Variants in ZBTB4 observed in about 807,000 individuals in gnomAD.
ZBTB4 encodes zinc finger and BTB domain containing 4.
ZBTB4 carries 14 observed loss-of-function variants against 59.8 expected under a neutral mutation model. That is an observed-to-expected ratio of 0.23 (90% CI 0.15 to 0.37). The LOEUF (loss-of-function observed/expected upper bound fraction) is 0.37. Ranked by LOEUF, ZBTB4 falls within the 10% of genes least tolerant of loss-of-function variation. ZBTB4 has a pLI of 1.00. For synonymous variants in ZBTB4, 587 were observed against 575.2 expected (o/e 1.02, Z -0.29); for missense variants, 1,198 against 1,380.8 (o/e 0.87, Z 2.10).
At position 7,465,906 on chromosome 17, in the gene ZBTB4, A is replaced by T; in HGVS notation, c.896T>A (p.Val299Glu). 6.2e-7 allele frequency: 1 copy of T among 1,612,270 alleles called. No homozygotes were observed. The highest frequency in any genetic ancestry group is 8.5e-7 in the Non-Finnish European group (1 of 1,178,830). The stretch of plus-strand genomic sequence containing the variant: ...CACGTGGCCGCCCACCACCTTCACC[A>T]CGTGCTCGGGGCCCCCTCGGAAGCC... The part of the protein sequence containing the change: ...PVGFRGGPEH[V>E]VKVVGGHVLY... The change falls in exon 3 of 4, where the codon GTG (valine) becomes GAG (glutamate). Residue 299 changes from valine to glutamate, a missense_variant. Physicochemically the swap from Val to Glu is moderately radical, Grantham distance 121. Transcript: ENST00000380599.
rs1406705975 is a variant in ZBTB4, at chr17:7,465,626, C to T, written c.1091+85G>A. The T allele has an allele frequency of 6.8e-6, 10 of 1,480,590 alleles. No homozygotes were observed. The East Asian group carries it at 7.4e-5, about 11-fold the overall frequency. 91.7% of individuals were successfully genotyped at this position (1,480,590 alleles called of 1,614,324 possible). ...TAGTTTCAGGATAACTTTCTAGGCC[C>T]CAAGCCCCACCCACTGCCGCCCTTG... On this transcript the variant is annotated intron_variant, in intron 3 of 3. Coordinates refer to ENST00000380599, the MANE Select transcript of ZBTB4 (RefSeq NM_001128833.2).
At position 7,462,630 on chromosome 17, in the gene ZBTB4, C is replaced by T. The variant is rs1232088081; in HGVS notation, c.2352G>A (p.Gly784=). Residue 784 remains glycine, a synonymous_variant, in exon 4 of 4, where the codon GGG becomes GGA. Transcript: ENST00000380599. This position sits in a 1 kb window ranked among gnomAD's most constrained non-coding sequence, Gnocchi z 7.5. ...CKTAAALSRH[G]QRHAAERPGG... is the part of the protein sequence containing the mutation. ...CGGGCCGCTCAGCAGCATGCCTCTG[C>T]CCGTGGCGGCTCAGGGCAGCTGCGG... 6.2e-7 allele frequency: 1 copy of T among 1,608,204 alleles called. No individual in the cohort carries two copies.
chr17:7,461,684 A>C lies in ZBTB4; in HGVS notation c.*256T>G. 1 of 395,162 alleles carries C rather than the reference A, an allele frequency of 2.5e-6. No homozygotes were observed. Among genetic ancestry groups the C allele is most frequent in the Non-Finnish European group, 4.5e-6 (1 of 221,666 alleles). The allele number at this position is 395,162 out of a possible 1,614,324, so 24.5% of individuals were successfully genotyped here. A position where few individuals can be genotyped will look rare whatever the true frequency, so the allele number is the denominator to read the frequency against. The stretch of plus-strand genomic sequence containing the variant: ...AGTTGCCCCAAGGGCTGGAGAAGGG[A>C]TGGAAGCTGGCCCTGCCCCTCATGG... On this transcript the variant is annotated 3_prime_UTR_variant, in exon 4 of 4. Coordinates refer to ENST00000380599, the MANE Select transcript of ZBTB4 (RefSeq NM_001128833.2).
upstream of ZBTB4, among the ~76,000 whole-genome samples, chr17:7,481,826 C>CAA (rs1350940782): frequency 1.1e-4 from 16 of 152,102 alleles, no homozygotes; most frequent in Admixed American, 3.3e-4. Context: ...TATAACATCT[C>CAA]ACTCATCTTT....
chr17:7,478,451 G>A (rs1204978363), intron 1 of ZBTB4, among the ~76,000 whole-genome samples: 4 of 151,898 alleles, frequency 2.6e-5, no homozygotes, highest in East Asian at 1.9e-4. Context: ...CCCATCCATC[G>A]CCCTCTTCAC....
chr17:7,470,793 C>G (rs2070188050), intron 1 of ZBTB4, among the ~76,000 whole-genome samples: 1 of 152,188 alleles, frequency 6.6e-6, no homozygotes, highest in Non-Finnish European at 1.5e-5. Context: ...GGATCTGATC[C>G]CAGGAAGTTT....
chr17:7,477,565 A>C (rs1460001718), intron 1 of ZBTB4, among the ~76,000 whole-genome samples: 1 of 152,162 alleles, frequency 6.6e-6, no homozygotes, highest in African/African-American at 2.4e-5. Flanking sequence ...CAGGCTTGGA[A>C]TGCACTTGCA....
intron 3 of ZBTB4, 139 bp from the exon 4 acceptor site, chr17:7,464,029 C>T (rs1449676336): frequency 1.4e-6 from 2 of 1,433,726 alleles, no homozygotes; most frequent in Non-Finnish European, 1.8e-6. Context: ...CCAGGCCAGC[C>T]TCAGTGCAGG....
At chr17:7,480,569 A>T (rs2070331336), upstream of ZBTB4, among the ~76,000 whole-genome samples, 1 of 152,016 alleles carries the variant, frequency 6.6e-6, no homozygotes, top group East Asian at 1.9e-4. Context: ...AATACAAAAA[A>T]ATTAGCCGGG....
chr17:7,466,789 CA>C lies in ZBTB4; in HGVS notation c.12del (p.Ala5GlnfsTer3), dbSNP rs769237190. 1.2e-5 allele frequency: 18 copies of C among 1,564,224 alleles called. No individual in the cohort carries two copies. Among genetic ancestry groups the C allele is most frequent in the Admixed American group, 9.5e-5 (5 of 52,672 alleles). MPP[P>X]AEVTDPSHAP... ...GCATGGGACGGGTCCGTCACCTCTG[CA>C]GGGGGGGGCATGGTGCCAGCCTAGA... On this transcript the variant is annotated frameshift_variant, in exon 3 of 4. Coordinates refer to ENST00000380599, the MANE Select transcript of ZBTB4 (RefSeq NM_001128833.2). LOFTEE classifies it high-confidence loss of function. The surrounding 1 kb of genome is among the most constrained non-coding windows in gnomAD (Gnocchi z 9.1).
intron 3 of ZBTB4, among the ~76,000 whole-genome samples, chr17:7,465,247 A>G (rs535163500): frequency 6.6e-6 from 1 of 151,946 alleles, no homozygotes; most frequent in East Asian, 1.9e-4. Context: ...TCACGAGGTC[A>G]GGAGTTCAAG....
rs189070185 is a variant in ZBTB4 at position 7,475,371 on chromosome 17, G to T, written c.-81+4085C>A. Among the ~76,000 whole-genome samples, 101 of 152,096 alleles carry T rather than the reference G, an allele frequency of 6.6e-4. 2 individuals carry two copies. Among genetic ancestry groups the T allele is most frequent in the Admixed American group, 6.6e-3 (101 of 15,274 alleles). On this transcript the variant is annotated intron_variant, in intron 1 of 3. Coordinates refer to ENST00000380599, the MANE Select transcript of ZBTB4 (RefSeq NM_001128833.2). ...AAAAATTAAAAGAAACCATAAATAA[G>T]TTGACCACTCTGGAGTCCTCACAAT...
intron 1 of ZBTB4, among the ~76,000 whole-genome samples, chr17:7,469,046 T>TA (rs2150857977): frequency 6.6e-6 from 1 of 152,322 alleles, no homozygotes; most frequent in East Asian, 1.9e-4. Context: ...CCAGGCCTCC[T>TA]ACTCGCCTCC....
rs1287833304 is a variant in ZBTB4, at chr17:7,460,439, G to A, written c.*1501C>T. 1.3e-5 allele frequency: 2 copies of A among 152,524 alleles called. No individual in the cohort carries two copies. The highest frequency in any genetic ancestry group is 2.9e-5 in the Non-Finnish European group (2 of 68,034). The allele number at this position is 152,524 out of a possible 1,614,324, so 9.4% of individuals were successfully genotyped here. On this transcript the variant is annotated 3_prime_UTR_variant, in exon 4 of 4. Coordinates refer to ENST00000380599, the MANE Select transcript of ZBTB4 (RefSeq NM_001128833.2). ...AGCCATCTTGGCCCCAAAAACAGTAGCTGGGGAAAAGGCTGCCATTTTGAT... is the reference window on the plus strand; with the variant it reads ...AGCCATCTTGGCCCCAAAAACAGTAACTGGGGAAAAGGCTGCCATTTTGAT...
chr17:7,477,645 C>T (rs150588894), intron 1 of ZBTB4, among the ~76,000 whole-genome samples: 3 of 152,204 alleles, frequency 2.0e-5, no homozygotes, highest in African/African-American at 7.2e-5. Flanking sequence ...GCCTAGTGAG[C>T]GAATTCTGTT....
At position 7,466,821 on chromosome 17, in the gene ZBTB4, G is replaced by T; in HGVS notation, c.-9-11C>A. ...GGGCATGGTGCCAGCCTAGACAGTG[G>T]GAGAAGAGGCCGGGTAGAGTCTCAG... On this transcript the variant is annotated splice_polypyrimidine_tract_variant and intron_variant, in intron 2 of 3. Coordinates refer to ENST00000380599, the MANE Select transcript of ZBTB4 (RefSeq NM_001128833.2). This position sits in a 1 kb window ranked among gnomAD's most constrained non-coding sequence, Gnocchi z 9.1. 2 of 1,527,048 alleles carry T rather than the reference G, an allele frequency of 1.3e-6. No individual in the cohort carries two copies. Among genetic ancestry groups the T allele is most frequent in the East Asian group, 4.7e-5 (2 of 42,546 alleles). 94.6% of individuals were successfully genotyped at this position (1,527,048 alleles called of 1,614,324 possible).
At position 7,463,620 on chromosome 17, in the gene ZBTB4, G is replaced by A; in HGVS notation, c.1362C>T (p.Ser454=). ...GGGCAGGTGGAGGCCCAGGCGGCGG[G>A]CTGGCTGGCATTGCCACAGGGGCCG... ...NTPAPVAMPA[S]PPPGPPPAPE... is the part of the protein sequence containing the mutation. Residue 454 remains serine (S), a synonymous_variant, in exon 4 of 4, where the codon AGC becomes AGT. Transcript: ENST00000380599. 6.2e-7 allele frequency: 1 copy of A among 1,607,366 alleles called. No individual in the cohort carries two copies. The highest frequency in any genetic ancestry group is 1.1e-5 in the South Asian group (1 of 90,458).
chr17:7,474,356 TA>T (rs1249027037), intron 1 of ZBTB4, among the ~76,000 whole-genome samples: 3 of 151,644 alleles, frequency 2.0e-5, no homozygotes, highest in African/African-American at 7.3e-5. Flanking sequence ...TAGCTGGGAC[TA>T]CGGGCATATG....
Position 7,466,175 on chromosome 17 carries a change from T to TGGCCTG in ZBTB4, c.621_626dup (p.Arg208_Pro209dup), listed in dbSNP as rs2070120518. 1 of 1,612,988 alleles carries TGGCCTG rather than the reference T, an allele frequency of 6.2e-7. No homozygotes were observed. The highest frequency in any genetic ancestry group is 1.3e-5 in the African/African-American group (1 of 74,920). On this transcript the variant is annotated inframe_insertion, in exon 3 of 4. Transcript: ENST00000380599. This position sits in a 1 kb window ranked among gnomAD's most constrained non-coding sequence, Gnocchi z 9.1. ...CCCTGTCACCCTCCCACTCCCCAGC[T>TGGCCTG]GGCCTGGGCCCGGGCCCAAAGCTGT...
Sources: allele counts gnomAD v4.1 joint callset (sites outside exome capture counted in the v4.1 genomes callset), GRCh38; gene constraint gnomAD v4.1.1; non-coding constraint Gnocchi (gnomAD v3.1); transcripts MANE v1.5; gene names NCBI Gene and HGNC (gene_info 2026-07-23, HGNC 2026-07-21).